The following RNF2 variants were observed in gnomAD, a reference collection of about 807,000 sequenced individuals.
RNF2 encodes ring finger protein 2.
A neutral mutation model predicts 37.2 loss-of-function variants in RNF2; 6 were observed. That is an observed-to-expected ratio of 0.16 (90% CI 0.09 to 0.32). The LOEUF is 0.32. Ranked by LOEUF, RNF2 falls within the 10% of genes least tolerant of loss-of-function variation. The pLI is 1.00. For missense variants in RNF2, 251 were observed against 404.0 expected (o/e 0.62, Z 3.25); for synonymous variants, 133 against 132.7 (o/e 1.00, Z -0.02).
Position 185,098,134 on chromosome 1 carries a change from G to T in RNF2, c.527G>T (p.Ser176Ile). The T allele has an allele frequency of 6.2e-7, 1 of 1,614,222 alleles. No individual in the cohort carries two copies. The highest frequency in any genetic ancestry group is 8.5e-7 in the Non-Finnish European group (1 of 1,180,036). The change falls in exon 5 of 7, where the codon AGT becomes ATT. Residue 176 changes from serine to isoleucine, a missense_variant. Coordinates refer to ENST00000367510, the MANE Select transcript of RNF2 (RefSeq NM_007212.4). ...NGSGAEDNGD[S>I]SHCSNASTHS... is the part of the protein sequence containing the mutation. Reference sequence around the variant, plus strand: ...AGTGGAGCAGAAGATAATGGTGACAGTTCACACTGCAGTAATGCATCCACA... The same window carrying T: ...AGTGGAGCAGAAGATAATGGTGACATTTCACACTGCAGTAATGCATCCACA...
chr1:185,091,793 T>C (rs560524835), intron 3 of RNF2, 54 bp downstream of exon 3: 2 of 1,481,962 alleles, frequency 1.3e-6, no homozygotes, highest in East Asian at 4.6e-5. Flanking sequence ...CGAAAGTGCT[T>C]TCCAGGGTTT....
At chr1:185,062,715 A>G (rs1218852179) in intron 1 of RNF2, among the ~76,000 whole-genome samples, 1 of 152,114 alleles carries the variant, frequency 6.6e-6, no homozygotes, top group Non-Finnish European at 1.5e-5. Context: ...AACACTCATG[A>G]CAGACAAAAG....
In RNF2 at chr1:185,050,854, C is replaced by T. The variant is rs535350169; in HGVS notation, c.-3+5205C>T. Among the ~76,000 whole-genome samples the T allele has an allele frequency of 2.2e-4, 33 of 152,218 alleles. 1 individual carries two copies. The highest frequency in any genetic ancestry group is 5.9e-4 in the Admixed American group (9 of 15,284). ...GATGGCTAAATAAAATTCTCTCCTA[C>T]TTCTTAGTATTTTATAAACTGATGT... On this transcript the variant is annotated intron_variant, in intron 1 of 6. Coordinates refer to ENST00000367510, the MANE Select transcript of RNF2 (RefSeq NM_007212.4).
intron 1 of RNF2, among the ~76,000 whole-genome samples, chr1:185,050,353 CCT>C (rs1315365082): frequency 6.6e-6 from 1 of 152,218 alleles, no homozygotes; most frequent in African/African-American, 2.4e-5. Flanking sequence ...CTCTTCTCTG[CCT>C]ACCTAACTTT....
At chr1:185,063,314 A>G (rs1477776621) in intron 1 of RNF2, among the ~76,000 whole-genome samples, 1 of 152,210 alleles carries the variant, frequency 6.6e-6, no homozygotes, top group Non-Finnish European at 1.5e-5. Flanking sequence ...ATGAGGGGTA[A>G]AGATACTGAT....
At chr1:185,072,366 CTACTA>C (rs2102174161) in intron 1 of RNF2, among the ~76,000 whole-genome samples, 1 of 152,074 alleles carries the variant, frequency 6.6e-6, no homozygotes, top group African/African-American at 2.4e-5. Context: ...TATTGAATGA[CTACTA>C]TATGCCAGGT....
intron 1 of RNF2, among the ~76,000 whole-genome samples, chr1:185,060,200 A>G (rs890092713): frequency 2.0e-5 from 3 of 152,236 alleles, no homozygotes; most frequent in African/African-American, 7.2e-5. Context: ...TTTGTCTTTA[A>G]TTCAGATCTG....
At chr1:185,057,152 A>T (rs1266689612) in intron 1 of RNF2, among the ~76,000 whole-genome samples, 1 of 152,114 alleles carries the variant, frequency 6.6e-6, no homozygotes, top group African/African-American at 2.4e-5. Flanking sequence ...TATAAAAAAG[A>T]AAAATAAAAT....
intron 3 of RNF2, among the ~76,000 whole-genome samples, chr1:185,092,781 A>G (rs1651805012): frequency 6.6e-6 from 1 of 152,092 alleles, no homozygotes; most frequent in African/African-American, 2.4e-5. Context: ...TTAAATTAGA[A>G]AAAATAGATT....
chr1:185,069,518 T>A (rs1368848968), intron 1 of RNF2, among the ~76,000 whole-genome samples: 1 of 151,312 alleles, frequency 6.6e-6, no homozygotes, highest in Non-Finnish European at 1.5e-5. Context: ...ATCTAAGGGC[T>A]GAGCTATGAG....
chr1:185,076,265 GTTGTTTTTTT>G (rs1651150771), intron 1 of RNF2, among the ~76,000 whole-genome samples: 1 of 39,540 alleles, frequency 2.5e-5, no homozygotes, highest in African/African-American at 8.2e-5. Context: ...TCTTTTATGG[GTTGTTTTTTT>G]TTTTTTTTTT....
intron 1 of RNF2, among the ~76,000 whole-genome samples, chr1:185,077,701 A>C (rs1651216024): frequency 7.2e-6 from 1 of 138,580 alleles, no homozygotes; most frequent in East Asian, 2.1e-4. Flanking sequence ...TCATGAGCAA[A>C]TCTGTTTTGT....
intron 5 of RNF2, 21 bp downstream of exon 5, chr1:185,098,365 C>T (rs1465578102): frequency 1.2e-6 from 2 of 1,605,790 alleles, no homozygotes; most frequent in African/African-American, 1.3e-5. Context: ...GGATTAGTTT[C>T]AGATTATCTA....
At position 185,094,941 on chromosome 1, in the gene RNF2, C is replaced by T. The variant is rs139380146; in HGVS notation, c.464+1665C>T. Among the ~76,000 whole-genome samples, 4 of 152,298 alleles carry T rather than the reference C, an allele frequency of 2.6e-5. No individual in the cohort carries two copies. The East Asian group carries it at 5.8e-4, about 22-fold the overall frequency. ...ACTCACTCAGAAAACTTTCAAATCT[C>T]ATGGCTTTAGGCATCATCCCGGTCC... On this transcript the variant is annotated intron_variant, in intron 4 of 6. Transcript: ENST00000367510.
At chr1:185,052,495 C>T (rs1248663777) in intron 1 of RNF2, among the ~76,000 whole-genome samples, 1 of 152,158 alleles carries the variant, frequency 6.6e-6, no homozygotes, top group Non-Finnish European at 1.5e-5. Context: ...GAGTCCATTT[C>T]TGTGAAATAT....
intron 1 of RNF2, among the ~76,000 whole-genome samples, chr1:185,054,029 C>G (rs1246758338): frequency 6.6e-6 from 1 of 152,056 alleles, no homozygotes; most frequent in African/African-American, 2.4e-5. Flanking sequence ...AGCACGCAAA[C>G]AATATGGCAT....
intron 4 of RNF2, among the ~76,000 whole-genome samples, chr1:185,095,329 G>A (rs1470448709): frequency 1.3e-5 from 2 of 152,100 alleles, no homozygotes; most frequent in Non-Finnish European, 2.9e-5. Context: ...CTTCCTTACT[G>A]TTCTTCAGAC....
At chr1:185,065,456 C>G (rs974670643) in intron 1 of RNF2, among the ~76,000 whole-genome samples, 2 of 152,206 alleles carry the variant, frequency 1.3e-5, no homozygotes, top group Non-Finnish European at 2.9e-5. Context: ...CTGCTGCTCA[C>G]TCTTTGGGTC....
intron 1 of RNF2, among the ~76,000 whole-genome samples, chr1:185,053,752 G>T (rs143410698): frequency 6.6e-6 from 1 of 152,266 alleles, no homozygotes; most frequent in South Asian, 2.1e-4. Flanking sequence ...TGTGTGGTAC[G>T]TAATAGGCTC....
Sources: gnomAD v4.1 joint callset for allele counts (sites outside exome capture counted in the v4.1 genomes callset) on GRCh38, gnomAD v4.1.1 for gene constraint, MANE v1.5 for transcripts, NCBI Gene and HGNC (gene_info 2026-07-23, HGNC 2026-07-21) for gene names.